ABAT: variants seen among roughly 807,000 people sequenced by gnomAD.
The protein encoded by ABAT is 4-aminobutyrate aminotransferase, also known as 4-aminobutyrate aminotransferase, mitochondrial.
Under a neutral mutation model 64.6 loss-of-function variants are expected in ABAT, and 45 were observed. That is an observed-to-expected ratio of 0.70 (90% CI 0.55 to 0.89). ABAT has a LOEUF of 0.89. Ranked by LOEUF, ABAT falls within the 40% of genes least tolerant of loss-of-function variation. ABAT has a pLI of 0.00. For missense variants in ABAT, 633 were observed against 658.4 expected, an observed-to-expected ratio of 0.96 and a Z score of 0.42; for synonymous variants, 297 against 250.5, an observed-to-expected ratio of 1.19 and a Z score of -1.75.
chr16:8,775,125 T>A, intron 13 of ABAT, 68 bp downstream of exon 13: 1 of 1,607,926 alleles, frequency 6.2e-7, no homozygotes, highest in Non-Finnish European at 8.5e-7. Context: ...TCCTAACTGT[T>A]CCTTTCTCAC....
chr16:8,722,757 C>G, intron 1 of ABAT: 2 of 1,240,446 alleles, frequency 1.6e-6, no homozygotes, highest in South Asian at 2.5e-5. Flanking sequence ...TCACCTGCTT[C>G]TTTCCCCAGA....
At chr16:8,679,759 A>T (rs1187426899) in intron 1 of ABAT, among the ~76,000 whole-genome samples, 1 of 152,090 alleles carries the variant, frequency 6.6e-6, no homozygotes. Flanking sequence ...AAGAATGCTT[A>T]GCAGGCTGAA....
In ABAT at chr16:8,711,516, C is replaced by T. The variant is rs1348869773; in HGVS notation, c.-41-24183C>T. Among the ~76,000 whole-genome samples, 5 of 152,154 alleles carry T rather than the reference C, an allele frequency of 3.3e-5. No individual in the cohort carries two copies. The South Asian group carries it at 6.2e-4, about 19-fold the overall frequency. On this transcript the variant is annotated intron_variant, in intron 1 of 15. Transcript: ENST00000268251. ...TGGGTCTGTTAATGGAGATGCTCAA[C>T]ATAGGAAAGGAGATAGGTGTAGTGA...
At chr16:8,704,944 C>A (rs2057907858) in intron 1 of ABAT, among the ~76,000 whole-genome samples, 1 of 152,126 alleles carries the variant, frequency 6.6e-6, no homozygotes, top group South Asian at 2.1e-4. Context: ...CCTCGGCCTC[C>A]CAAAATGCTG....
chr16:8,710,753 C>T lies in ABAT; in HGVS notation c.-41-24946C>T, dbSNP rs536002008. ...GAGGAAATAGGCTCAGGAGCAAGCA[C>T]CTTCACATCTGAGCAGGAACTAGAA... On this transcript the variant is annotated intron_variant, in intron 1 of 15. Coordinates refer to ENST00000268251, the MANE Select transcript of ABAT (RefSeq NM_020686.6). 5.2e-5 allele frequency among the ~76,000 whole-genome samples: 7 copies of T among 135,264 alleles called. No homozygotes were observed. The East Asian group carries it at 1.5e-3, about 30-fold the overall frequency. The allele number at this position is 135,264 out of a possible 152,430, so 88.7% of individuals were successfully genotyped here.
chr16:8,743,007 T>TAA (rs71152928), intron 2 of ABAT, among the ~76,000 whole-genome samples: 71,960 of 124,038 alleles, frequency 0.58, 22,783 homozygotes, highest in Non-Finnish European at 0.67. Flanking sequence ...CTCATTTCTT[T>TAA]AAAAAAAAAA....
chr16:8,746,307 C>G (rs1185235360), intron 3 of ABAT, among the ~76,000 whole-genome samples: 2 of 152,052 alleles, frequency 1.3e-5, no homozygotes, highest in East Asian at 2.0e-4. Flanking sequence ...AATCCCAACA[C>G]TTTGAGAGGT....
intron 1 of ABAT, among the ~76,000 whole-genome samples, chr16:8,686,335 G>A (rs1462409651): frequency 1.3e-5 from 2 of 152,190 alleles, no homozygotes; most frequent in African/African-American, 4.8e-5. Flanking sequence ...CTGGAAGCAG[G>A]GCTCAAAAAA....
At chr16:8,711,208 C>T (rs1198014509) in intron 1 of ABAT, among the ~76,000 whole-genome samples, 1 of 152,152 alleles carries the variant, frequency 6.6e-6, no homozygotes, top group Non-Finnish European at 1.5e-5. Context: ...GAATGAAGTG[C>T]CAGTTCCCCT....
intron 1 of ABAT, among the ~76,000 whole-genome samples, chr16:8,675,468 C>G (rs368304979): frequency 3.5e-4 from 53 of 152,220 alleles, no homozygotes; most frequent in African/African-American, 1.1e-3. Flanking sequence ...CCCTTTCACA[C>G]AAACCCCATC....
chr16:8,772,772 G>T lies in ABAT; in HGVS notation c.817-8G>T. 6.2e-7 allele frequency: 1 copy of T among 1,613,950 alleles called. No individual in the cohort carries two copies. Among genetic ancestry groups the T allele is most frequent in the Non-Finnish European group, 8.5e-7 (1 of 1,179,980 alleles). ...CCATCGGTGGTCACTTTCCCCTTTGGGATCCAGGTGGAGGATCTGATTGTG... is the reference window on the plus strand; with the variant it reads ...CCATCGGTGGTCACTTTCCCCTTTGTGATCCAGGTGGAGGATCTGATTGTG... On this transcript the variant is annotated splice_polypyrimidine_tract_variant and splice_region_variant and intron_variant, in intron 11 of 15. Coordinates refer to ENST00000268251, the MANE Select transcript of ABAT (RefSeq NM_020686.6).
intron 1 of ABAT, among the ~76,000 whole-genome samples, chr16:8,732,196 GTT>G (rs746087281): frequency 0.059 from 1,101 of 18,730 alleles, 23 homozygotes; most frequent in South Asian, 0.14. Flanking sequence ...GGTTTTTTTT[GTT>G]TTTTTTTTTT....
chr16:8,711,695 G>T (rs2058072380), intron 1 of ABAT, among the ~76,000 whole-genome samples: 1 of 133,616 alleles, frequency 7.5e-6, no homozygotes, highest in Admixed American at 8.1e-5. Context: ...TGGATGGATG[G>T]ATGATTGGAT....
intron 11 of ABAT, among the ~76,000 whole-genome samples, chr16:8,769,578 A>AG (rs1555492510): frequency 9.3e-5 from 12 of 129,398 alleles, no homozygotes; most frequent in South Asian, 2.5e-4. Flanking sequence ...AAAAAAAAAA[A>AG]AGAGAGAGAG....
intron 2 of ABAT, among the ~76,000 whole-genome samples, chr16:8,741,678 G>GT (rs1318851216): frequency 6.6e-6 from 1 of 152,116 alleles, no homozygotes; most frequent in East Asian, 1.9e-4. Flanking sequence ...GTGGTGTATT[G>GT]TTATATGTCA....
At chr16:8,738,187 G>T (rs144436609) in intron 2 of ABAT, among the ~76,000 whole-genome samples, 1 of 151,900 alleles carries the variant, frequency 6.6e-6, no homozygotes, top group Non-Finnish European at 1.5e-5. Flanking sequence ...TGGGCATGGT[G>T]ACATGTGCTT....
intron 5 of ABAT, among the ~76,000 whole-genome samples, chr16:8,750,912 G>A (rs887116531): frequency 6.6e-6 from 1 of 150,622 alleles, no homozygotes; most frequent in Non-Finnish European, 1.5e-5. Flanking sequence ...CCTCGAAGAA[G>A]AGCCTGAGGT....
chr16:8,762,134 G>A (rs1440732210), intron 6 of ABAT, among the ~76,000 whole-genome samples: 1 of 152,120 alleles, frequency 6.6e-6, no homozygotes, highest in Non-Finnish European at 1.5e-5. Flanking sequence ...AAGTGACTGG[G>A]ATTATAGGCG....
intron 1 of ABAT, among the ~76,000 whole-genome samples, chr16:8,708,543 T>C (rs552861647): frequency 1.3e-5 from 2 of 152,122 alleles, no homozygotes; most frequent in Non-Finnish European, 2.9e-5. Context: ...TCAAGCAATC[T>C]CCCTGCCTCT....
Sources: gnomAD v4.1 joint callset for allele counts (sites outside exome capture counted in the v4.1 genomes callset) on GRCh38, gnomAD v4.1.1 for gene constraint, MANE v1.5 for transcripts, NCBI Gene and HGNC (gene_info 2026-07-23, HGNC 2026-07-21) for gene names.